HHAT: variants seen among roughly 807,000 people sequenced by gnomAD.
HHAT encodes hedgehog acyltransferase.
HHAT carries 47 observed loss-of-function variants against 70.8 expected under a neutral mutation model. The ratio of observed to expected loss-of-function variants is 0.66; its 90% CI spans 0.53 to 0.85. The LOEUF is 0.85. Ranked by LOEUF, HHAT falls within the 40% of genes least tolerant of loss-of-function variation. The probability of loss-of-function intolerance (pLI) is 0.00; values close to 1 mark genes in which losing one functional copy is unlikely to be tolerated. For synonymous variants in HHAT, 228 were observed against 247.6 expected (o/e 0.92, Z 0.74); for missense variants, 609 against 604.8 (o/e 1.01, Z -0.07).
intron 8 of HHAT, among the ~76,000 whole-genome samples, chr1:210,511,684 C>T (rs143168074): frequency 2.4e-4 from 36 of 151,168 alleles, no homozygotes; most frequent in Admixed American, 6.6e-4. Flanking sequence ...ACCCAAGAGG[C>T]GAGACTGGTG....
chr1:210,635,172 T>C (rs1671640603), intron 11 of HHAT, among the ~76,000 whole-genome samples: 1 of 109,680 alleles, frequency 9.1e-6, no homozygotes, highest in Non-Finnish European at 2.2e-5. Context: ...GCTTAATGGA[T>C]GAGTAAGTCC....
intron 9 of HHAT, among the ~76,000 whole-genome samples, chr1:210,521,492 T>G (rs1024932189): frequency 6.6e-6 from 1 of 152,228 alleles, no homozygotes; most frequent in Non-Finnish European, 1.5e-5. Context: ...TAAAAATCAT[T>G]GGCATTTTGA....
At chr1:210,510,361 AT>A (rs1170453434) in intron 8 of HHAT, among the ~76,000 whole-genome samples, 2 of 152,188 alleles carry the variant, frequency 1.3e-5, no homozygotes, top group Non-Finnish European at 2.9e-5. Flanking sequence ...GATGAACCTT[AT>A]TTTTTAAAAA....
chr1:210,506,261 A>G (rs191223669), intron 8 of HHAT, among the ~76,000 whole-genome samples: 1 of 152,280 alleles, frequency 6.6e-6, no homozygotes, highest in Admixed American at 6.5e-5. Context: ...CAGTCTACTA[A>G]TTTGCTAATG....
At chr1:210,532,813 T>C (rs2095328689) in intron 9 of HHAT, among the ~76,000 whole-genome samples, 1 of 152,140 alleles carries the variant, frequency 6.6e-6, no homozygotes, top group Non-Finnish European at 1.5e-5. Context: ...ATTAAACCAG[T>C]TAGAAATGCC....
At chr1:210,459,514 A>G (rs1003058136) in intron 7 of HHAT, among the ~76,000 whole-genome samples, 11 of 152,304 alleles carry the variant, frequency 7.2e-5, no homozygotes, top group Non-Finnish European at 1.2e-4. Flanking sequence ...TAGGATAAGG[A>G]CAGACAGATC....
intron 11 of HHAT, among the ~76,000 whole-genome samples, chr1:210,668,633 A>G (rs1408042636): frequency 1.3e-5 from 2 of 152,168 alleles, no homozygotes; most frequent in Non-Finnish European, 2.9e-5. Flanking sequence ...TAAATTACCC[A>G]GTCTTGCATA....
intron 9 of HHAT, among the ~76,000 whole-genome samples, chr1:210,542,306 C>T (rs1278997081): frequency 1.3e-5 from 2 of 152,110 alleles, no homozygotes; most frequent in Non-Finnish European, 2.9e-5. Context: ...TTGCTGTCAC[C>T]TAAACTGTTA....
intron 8 of HHAT, among the ~76,000 whole-genome samples, chr1:210,469,263 CT>C (rs1007154929): frequency 6.6e-6 from 1 of 151,980 alleles, no homozygotes; most frequent in Admixed American, 6.6e-5. Flanking sequence ...TGGCCTTGGT[CT>C]TGTCATTTTT....
At chr1:210,395,271 A>G (rs2091720784) in intron 4 of HHAT, among the ~76,000 whole-genome samples, 2 of 152,200 alleles carry the variant, frequency 1.3e-5, no homozygotes, top group South Asian at 4.1e-4. Context: ...GGCATACCCT[A>G]TTATCACTTG....
intron 8 of HHAT, among the ~76,000 whole-genome samples, chr1:210,496,255 G>T (rs2094642443): frequency 6.6e-6 from 1 of 152,156 alleles, no homozygotes; most frequent in Non-Finnish European, 1.5e-5. Flanking sequence ...GCCTATGCCT[G>T]TGGCTGTTGG....
chr1:210,421,696 C>T (rs919198504), intron 7 of HHAT, among the ~76,000 whole-genome samples: 5 of 152,148 alleles, frequency 3.3e-5, no homozygotes, highest in Admixed American at 1.3e-4. Context: ...CCACCCACCT[C>T]GGCCTCCCAA....
chr1:210,531,021 A>G (rs1162338553), intron 9 of HHAT, among the ~76,000 whole-genome samples: 1 of 152,226 alleles, frequency 6.6e-6, no homozygotes, highest in East Asian at 1.9e-4. Flanking sequence ...GCAACATCGT[A>G]GAGTGTACTT....
chr1:210,585,240 C>T (rs1320188269), intron 9 of HHAT, among the ~76,000 whole-genome samples: 1 of 152,096 alleles, frequency 6.6e-6, no homozygotes, highest in East Asian at 1.9e-4. Flanking sequence ...TTTCCTCACC[C>T]ATAAAATGGG....
chr1:210,373,836 G>A (rs1268773109), intron 3 of HHAT, among the ~76,000 whole-genome samples: 2 of 152,128 alleles, frequency 1.3e-5, no homozygotes, highest in South Asian at 2.1e-4. Context: ...TTTGCAGACA[G>A]GCAACCAGAA....
intron 7 of HHAT, among the ~76,000 whole-genome samples, chr1:210,453,125 G>A (rs1385256860): frequency 6.6e-6 from 1 of 152,178 alleles, no homozygotes; most frequent in African/African-American, 2.4e-5. Context: ...TGAGAGGAAA[G>A]GGATAAGACA....
At chr1:210,420,204 C>T (rs1193392833) in intron 7 of HHAT, among the ~76,000 whole-genome samples, 1 of 152,182 alleles carries the variant, frequency 6.6e-6, no homozygotes, top group Non-Finnish European at 1.5e-5. Flanking sequence ...CTTAAAATTG[C>T]ATATGTTAAC....
chr1:210,398,062 G>A (rs540455468), intron 4 of HHAT, among the ~76,000 whole-genome samples: 5 of 152,346 alleles, frequency 3.3e-5, no homozygotes, highest in African/African-American at 7.2e-5. Flanking sequence ...GCAATGGCGC[G>A]ATCTTGGCTC....
rs187339495 is a variant in HHAT at position 210,511,212 on chromosome 1, T to G, written c.1008-1941T>G. Among the ~76,000 whole-genome samples, 394 of 152,320 alleles carry G rather than the reference T, an allele frequency of 2.6e-3. 2 individuals carry two copies. The highest frequency in any genetic ancestry group is 0.021 in the Admixed American group (326 of 15,302). On this transcript the variant is annotated intron_variant, in intron 8 of 11. Transcript: ENST00000261458. ...AAAATCAAATGAAACACATCAGCTCTCCCTACAGGTAGATCTCTCCTTAGA... is the reference window on the plus strand; with the variant it reads ...AAAATCAAATGAAACACATCAGCTCGCCCTACAGGTAGATCTCTCCTTAGA...
Sources: allele counts gnomAD v4.1 joint callset (sites outside exome capture counted in the v4.1 genomes callset), GRCh38; gene constraint gnomAD v4.1.1; transcripts MANE v1.5; gene names NCBI Gene and HGNC (gene_info 2026-07-23, HGNC 2026-07-21).